Variants in HS6ST3 observed in about 807,000 individuals in gnomAD.
HS6ST3 encodes the protein heparan-sulfate 6-O-sulfotransferase 3.
In HS6ST3, 12 loss-of-function variants were observed where a neutral mutation model predicts 36.7. That is an observed-to-expected ratio of 0.33 (90% CI 0.21 to 0.53). HS6ST3 has a LOEUF of 0.53. Ranked by LOEUF, HS6ST3 falls within the 20% of genes least tolerant of loss-of-function variation. HS6ST3 has a pLI of 0.95. For missense variants in HS6ST3, 584 were observed against 640.9 expected (o/e 0.91, Z 0.96); for synonymous variants, 240 against 257.5 (o/e 0.93, Z 0.65).
At chr13:96,118,231 C>A (rs976100832) in intron 1 of HS6ST3, among the ~76,000 whole-genome samples, 14 of 152,030 alleles carry the variant, frequency 9.2e-5, no homozygotes, top group Non-Finnish European at 2.1e-4. Context: ...TAAATGAGGT[C>A]ATTGGGGTGG....
intron 1 of HS6ST3, among the ~76,000 whole-genome samples, chr13:96,600,674 A>C (rs181158417): frequency 6.6e-6 from 1 of 152,048 alleles, no homozygotes; most frequent in African/African-American, 2.4e-5. Flanking sequence ...TTCAATGTTA[A>C]TATTGTATAT....
At chr13:96,180,826 A>G (rs773770355) in intron 1 of HS6ST3, among the ~76,000 whole-genome samples, 5 of 152,184 alleles carry the variant, frequency 3.3e-5, no homozygotes, top group Admixed American at 2.6e-4. Flanking sequence ...ACCAAAGACA[A>G]TTGTATTAAA....
chr13:96,523,480 T>C (rs2056101813), intron 1 of HS6ST3, among the ~76,000 whole-genome samples: 1 of 152,230 alleles, frequency 6.6e-6, no homozygotes, highest in Non-Finnish European at 1.5e-5. Flanking sequence ...GTTCCCATTC[T>C]TCCTGTCACT....
intron 1 of HS6ST3, among the ~76,000 whole-genome samples, chr13:96,780,522 T>C (rs1432339104): frequency 6.6e-6 from 1 of 152,162 alleles, no homozygotes; most frequent in Non-Finnish European, 1.5e-5. Context: ...AAACTTTGGA[T>C]TGGGGGCATT....
In HS6ST3 at chr13:96,317,366, ATAAAAT is replaced by A. The variant is rs1594751571; in HGVS notation, c.707+225800_707+225805del. 3.8e-4 allele frequency among the ~76,000 whole-genome samples: 7 copies of A among 18,644 alleles called. No individual in the cohort carries two copies. In the East Asian group the frequency reaches 9.1e-3, roughly 24 times the overall value. The allele number at this position is 18,644 out of a possible 152,430, so 12.2% of individuals were successfully genotyped here. A position where few individuals can be genotyped will look rare whatever the true frequency, so the allele number is the denominator to read the frequency against. ...TATATATATATATATATATATATAT[ATAAAAT>A]TATATATATATATATATATATATCA... On this transcript the variant is annotated intron_variant, in intron 1 of 1. Transcript: ENST00000376705.
intron 1 of HS6ST3, among the ~76,000 whole-genome samples, chr13:96,504,908 A>T (rs1272191898): frequency 1.3e-5 from 2 of 152,184 alleles, no homozygotes; most frequent in East Asian, 3.9e-4. Context: ...ATGTAAAAAT[A>T]AAATTTAAGA....
At chr13:96,197,005 G>A (rs1057270928) in intron 1 of HS6ST3, among the ~76,000 whole-genome samples, 2 of 152,188 alleles carry the variant, frequency 1.3e-5, no homozygotes, top group Non-Finnish European at 1.5e-5. Flanking sequence ...TTCTTTCTCT[G>A]TGTGACCTCT....
chr13:96,191,113 A>G (rs2054286588), intron 1 of HS6ST3, among the ~76,000 whole-genome samples: 2 of 152,142 alleles, frequency 1.3e-5, no homozygotes. Context: ...TTCTGTTTCC[A>G]AAAACTTCTC....
At chr13:96,231,722 T>C (rs1483537565) in intron 1 of HS6ST3, among the ~76,000 whole-genome samples, 1 of 152,072 alleles carries the variant, frequency 6.6e-6, no homozygotes, top group African/African-American at 2.4e-5. Flanking sequence ...AAAGTTTGAG[T>C]AGCAAGAAAG....
chr13:96,516,090 C>A (rs1254038752), intron 1 of HS6ST3, among the ~76,000 whole-genome samples: 5 of 147,576 alleles, frequency 3.4e-5, no homozygotes, highest in Non-Finnish European at 6.0e-5. Context: ...GAGACACAGT[C>A]TTGGTTTGTC....
intron 1 of HS6ST3, among the ~76,000 whole-genome samples, chr13:96,736,309 C>T (rs1296393780): frequency 2.6e-5 from 4 of 152,072 alleles, no homozygotes; most frequent in Non-Finnish European, 4.4e-5. Flanking sequence ...CAAGCAAAGG[C>T]AAATGCAAAT....
chr13:96,807,205 T>C (rs1310799443), intron 1 of HS6ST3, among the ~76,000 whole-genome samples: 1 of 152,202 alleles, frequency 6.6e-6, no homozygotes, highest in Non-Finnish European at 1.5e-5. Context: ...TTGTGACAAT[T>C]ACATCACAAA....
At chr13:96,544,490 C>G (rs2056189938) in intron 1 of HS6ST3, among the ~76,000 whole-genome samples, 1 of 152,176 alleles carries the variant, frequency 6.6e-6, no homozygotes, top group Non-Finnish European at 1.5e-5. Context: ...AACAGTCCAA[C>G]AGTGGAACAA....
intron 1 of HS6ST3, among the ~76,000 whole-genome samples, chr13:96,403,519 G>T (rs1283944996): frequency 1.3e-5 from 2 of 152,130 alleles, no homozygotes; most frequent in African/African-American, 4.8e-5. Flanking sequence ...ACATTATGTA[G>T]TTCTGAACAT....
intron 1 of HS6ST3, among the ~76,000 whole-genome samples, chr13:96,578,416 A>G (rs556117442): frequency 7.9e-5 from 12 of 152,336 alleles, no homozygotes; most frequent in Middle Eastern, 3.4e-3. Flanking sequence ...CCTTCCACAC[A>G]CTTGACGAAG....
rs571347759 is a variant in HS6ST3, at chr13:96,673,926, T to C, written c.708-158564T>C. 5.9e-5 allele frequency among the ~76,000 whole-genome samples: 9 copies of C among 152,294 alleles called. No homozygotes were observed. The South Asian group carries it at 1.5e-3, about 25-fold the overall frequency. On this transcript the variant is annotated intron_variant, in intron 1 of 1. Coordinates refer to ENST00000376705, the MANE Select transcript of HS6ST3 (RefSeq NM_153456.4). Reference sequence around the variant, plus strand: ...TAAAAAATATATTTTTTCCCCTCTTTCTTTCATTTGAGAAGATTGCTTCAA... The same window carrying C: ...TAAAAAATATATTTTTTCCCCTCTTCCTTTCATTTGAGAAGATTGCTTCAA...
At chr13:96,291,961 T>C (rs1180442157) in intron 1 of HS6ST3, among the ~76,000 whole-genome samples, 1 of 152,180 alleles carries the variant, frequency 6.6e-6, no homozygotes, top group African/African-American at 2.4e-5. Flanking sequence ...CATAGAAAGC[T>C]ATATTACAAG....
chr13:96,112,596 T>TATATATATATAC (rs2053875136), intron 1 of HS6ST3, among the ~76,000 whole-genome samples: 1 of 77,540 alleles, frequency 1.3e-5, no homozygotes, highest in Non-Finnish European at 2.6e-5. Context: ...TATATATATA[T>TATATATATATAC]ATATATATAT....
chr13:96,432,357 C>A (rs1006168334), intron 1 of HS6ST3, among the ~76,000 whole-genome samples: 3 of 152,140 alleles, frequency 2.0e-5, no homozygotes, highest in Admixed American at 1.3e-4. Flanking sequence ...TGGTGTATGT[C>A]ATCAGATCTT....
Sources: gnomAD v4.1 joint callset for allele counts (sites outside exome capture counted in the v4.1 genomes callset) on GRCh38, gnomAD v4.1.1 for gene constraint, MANE v1.5 for transcripts, NCBI Gene and HGNC (gene_info 2026-07-23, HGNC 2026-07-21) for gene names.